PTK7: variants seen among roughly 807,000 people sequenced by gnomAD.
PTK7 encodes the protein protein tyrosine kinase 7 (inactive).
In PTK7, 39 loss-of-function variants were observed where a neutral mutation model predicts 116.6. That is an observed-to-expected ratio of 0.33 (90% CI 0.26 to 0.44). The LOEUF (loss-of-function observed/expected upper bound fraction) is 0.44, where lower values mean the gene tolerates loss of function less well. Ranked by LOEUF, PTK7 falls within the 20% of genes least tolerant of loss-of-function variation. The probability of loss-of-function intolerance (pLI) is 1.00; values close to 1 mark genes in which losing one functional copy is unlikely to be tolerated. For missense variants in PTK7, 1,169 were observed against 1,425.6 expected, an observed-to-expected ratio of 0.82 and a Z score of 2.90; for synonymous variants, 546 against 563.6, an observed-to-expected ratio of 0.97 and a Z score of 0.44.
chr6:43,155,583 A>C (rs949651626), intron 17 of PTK7, among the ~76,000 whole-genome samples: 1 of 151,556 alleles, frequency 6.6e-6, no homozygotes, highest in Non-Finnish European at 1.5e-5. Context: ...GGCGGAGTGG[A>C]GGTTGCAGTG....
intron 1 of PTK7, among the ~76,000 whole-genome samples, chr6:43,127,545 A>C (rs1769366769): frequency 6.6e-6 from 1 of 152,172 alleles, no homozygotes; most frequent in South Asian, 2.1e-4. Context: ...CAGGAAGGGG[A>C]ATGACTTCAA....
At chr6:43,137,497 TC>T (rs1770109058) in intron 7 of PTK7, among the ~76,000 whole-genome samples, 1 of 152,178 alleles carries the variant, frequency 6.6e-6, no homozygotes, top group Admixed American at 6.5e-5. Context: ...AGTCAGGTGT[TC>T]TCTTTAGCAC....
rs1435692384 is a variant in PTK7, at chr6:43,076,884, A to G, written c.79+317A>G. ...GAGAGTTGCTGGCTCTCGGGCCCAGATGGGGAGTTTCTTGTCGGGGGAGAA... is the reference window on the plus strand; with the variant it reads ...GAGAGTTGCTGGCTCTCGGGCCCAGGTGGGGAGTTTCTTGTCGGGGGAGAA... On this transcript the variant is annotated intron_variant, in intron 1 of 19. Transcript: ENST00000230419. The surrounding 1 kb of genome is among the most constrained non-coding windows in gnomAD (Gnocchi z 5.7). 2 of 1,502,228 alleles carry G rather than the reference A, an allele frequency of 1.3e-6. No homozygotes were observed. The highest frequency in any genetic ancestry group is 1.2e-5 in the South Asian group (1 of 81,974). The allele number at this position is 1,502,228 out of a possible 1,614,324, so 93.1% of individuals were successfully genotyped here.
chr6:43,158,746 G>C (rs1286471053), intron 17 of PTK7, 71 bp from the exon 18 acceptor site: 2 of 1,507,016 alleles, frequency 1.3e-6, no homozygotes, highest in Non-Finnish European at 1.8e-6. Context: ...ACGCTACCAA[G>C]GGTTGTGTTG....
chr6:43,123,107 C>G (rs1194998796), intron 1 of PTK7, among the ~76,000 whole-genome samples: 2 of 152,178 alleles, frequency 1.3e-5, no homozygotes, highest in African/African-American at 4.8e-5. Flanking sequence ...CAGGGTCTTT[C>G]TATCTCAGCC....
intron 1 of PTK7, among the ~76,000 whole-genome samples, chr6:43,082,495 G>T (rs1289326979): frequency 6.6e-6 from 1 of 152,004 alleles, no homozygotes; most frequent in East Asian, 1.9e-4. Flanking sequence ...ATTTTAACAA[G>T]ATGCTCAGGT....
chr6:43,145,034 T>A lies in PTK7; in HGVS notation c.2408-166T>A. ...TAGTCCCACCCTTTTATTTTGTTGC[T>A]GCAGACACTGAAGCCTAAGGAGGGA... On this transcript the variant is annotated intron_variant, in intron 15 of 19. Transcript: ENST00000230419. This position sits in a 1 kb window ranked among gnomAD's most constrained non-coding sequence, Gnocchi z 4.8. 1 of 540,582 alleles carries A rather than the reference T, an allele frequency of 1.8e-6. No individual in the cohort carries two copies. Among genetic ancestry groups the A allele is most frequent in the Non-Finnish European group, 3.2e-6 (1 of 311,238 alleles). The allele number at this position is 540,582 out of a possible 1,614,324, so 33.5% of individuals were successfully genotyped here.
Position 43,143,658 on chromosome 6 carries a change from G to T in PTK7, c.2251+38G>T. ...GGACGGGGAGGTGGTGCCCGTGTGC[G>T]GGAGCTGAGCGCCCTCCCGCGGCCA... is the stretch of plus-strand genomic sequence containing the variant. On this transcript the variant is annotated intron_variant, in intron 14 of 19. Transcript: ENST00000230419. The surrounding 1 kb of genome is among the most constrained non-coding windows in gnomAD (Gnocchi z 4.2). 6.3e-7 allele frequency: 1 copy of T among 1,588,948 alleles called. No individual in the cohort carries two copies. The highest frequency in any genetic ancestry group is 1.1e-5 in the South Asian group (1 of 89,564).
In PTK7 at chr6:43,145,103, T is replaced by C; in HGVS notation, c.2408-97T>C. On this transcript the variant is annotated intron_variant, in intron 15 of 19. Coordinates refer to ENST00000230419, the MANE Select transcript of PTK7 (RefSeq NM_002821.5). This position sits in a 1 kb window ranked among gnomAD's most constrained non-coding sequence, Gnocchi z 4.8. ...GGGTCTCGTGCCCAGCCCAGGTGGG[T>C]GGGTCCCCACTGTGGGAGAGGCTAG... 2.7e-6 allele frequency: 3 copies of C among 1,116,536 alleles called. No homozygotes were observed. Among genetic ancestry groups the C allele is most frequent in the Non-Finnish European group, 3.8e-6 (3 of 787,140 alleles). The allele number at this position is 1,116,536 out of a possible 1,614,324, so 69.2% of individuals were successfully genotyped here.
Position 43,145,257 on chromosome 6 carries a change from T to A in PTK7, c.2465T>A (p.Val822Glu). 1 of 1,612,252 alleles carries A rather than the reference T, an allele frequency of 6.2e-7. No individual in the cohort carries two copies. Among genetic ancestry groups the A allele is most frequent in the Non-Finnish European group, 8.5e-7 (1 of 1,179,026 alleles). Residue 822 changes from valine (V) to glutamate (E), a missense_variant, in exon 16 of 20, where the codon GTG (valine) becomes GAG (glutamate). Val to Glu is a moderately radical substitution (Grantham distance 121). Transcript: ENST00000230419. The surrounding 1 kb of genome is among the most constrained non-coding windows in gnomAD (Gnocchi z 4.8). ...AAGGCTCAGGGCTTGGAGGAGGGAG[T>A]GGCAGAGACCCTGGTACTTGTGAAG... ...LAKAQGLEEG[V>E]AETLVLVKSL...
Position 43,130,261 on chromosome 6 carries a change from C to T in PTK7, c.502C>T (p.Pro168Ser), listed in dbSNP as rs1177856567. ...CTACCAATGGTTCCGAGATGGGACCCCCCTTTCTGATGGTCAGAGCAACCA... is the reference window on the plus strand; with the variant it reads ...CTACCAATGGTTCCGAGATGGGACCTCCCTTTCTGATGGTCAGAGCAACCA... Reference protein sequence around the residue: ...PTYQWFRDGTPLSDGQSNHTV... With the variant: ...PTYQWFRDGTSLSDGQSNHTV... The change falls in exon 4 of 20, where the codon CCC becomes TCC. Residue 168 changes from proline to serine, a missense_variant. Physicochemically the swap from Pro to Ser is moderately conservative, Grantham distance 74. Coordinates refer to ENST00000230419, the MANE Select transcript of PTK7 (RefSeq NM_002821.5). 1.3e-6 allele frequency: 2 copies of T among 1,599,920 alleles called. No individual in the cohort carries two copies. The highest frequency in any genetic ancestry group is 8.5e-7 in the Non-Finnish European group (1 of 1,170,460).
Position 43,086,127 on chromosome 6 carries a change from A to G in PTK7, c.79+9560A>G, listed in dbSNP as rs528798220. 7.9e-5 allele frequency among the ~76,000 whole-genome samples: 12 copies of G among 152,274 alleles called. 1 individual carries two copies. In the South Asian group the frequency reaches 2.3e-3, roughly 29 times the overall value. On this transcript the variant is annotated intron_variant, in intron 1 of 19. Transcript: ENST00000230419. ...GGTGGGTTGGTGCTGGTTCAGGGCC[A>G]CTGTCTCTCCTGGCATGCTGAGGTT...
At chr6:43,079,522 G>A (rs1413758554) in intron 1 of PTK7, among the ~76,000 whole-genome samples, 1 of 151,858 alleles carries the variant, frequency 6.6e-6, no homozygotes. Flanking sequence ...AAAATCCAAG[G>A]GTGCTCAAGT....
intron 18 of PTK7, 41 bp downstream of exon 18, chr6:43,159,009 CCA>C: frequency 6.2e-7 from 1 of 1,608,612 alleles, no homozygotes; most frequent in Non-Finnish European, 8.5e-7. Flanking sequence ...CCATTTTTTC[CCA>C]GAGGGTGAGG....
chr6:43,159,277 C>G (rs2150485469), intron 18 of PTK7, among the ~76,000 whole-genome samples: 1 of 152,242 alleles, frequency 6.6e-6, no homozygotes, highest in South Asian at 2.1e-4. Context: ...CTGTAACTTC[C>G]TGAATTCAGT....
intron 1 of PTK7, among the ~76,000 whole-genome samples, chr6:43,118,492 C>T (rs551633755): frequency 2.6e-4 from 39 of 151,238 alleles, no homozygotes; most frequent in African/African-American, 9.2e-4. Context: ...GCTGAGATTG[C>T]ACCACTGCAC....
chr6:43,155,625 G>A (rs1056756762), intron 17 of PTK7, among the ~76,000 whole-genome samples: 25 of 149,958 alleles, frequency 1.7e-4, no homozygotes, highest in African/African-American at 6.2e-4. Context: ...CTCCAGCCTG[G>A]CAACAGAACA....
Position 43,132,036 on chromosome 6 carries a change from C to T in PTK7, c.833C>T (p.Ala278Val). The T allele has an allele frequency of 6.2e-7, 1 of 1,614,116 alleles. No individual in the cohort carries two copies. The highest frequency in any genetic ancestry group is 8.5e-7 in the Non-Finnish European group (1 of 1,180,030). ...TGCAGCCCCCCACACCTCCGCAGAG[C>T]CACAGTGTTTGCCAACGGGTCTCTG... ...NRSRPPHLRR[A>V]TVFANGSLLL... Residue 278 changes from alanine (A) to valine (V), a missense_variant, in exon 6 of 20, where the codon GCC becomes GTC. Ala to Val is a moderately conservative substitution (Grantham distance 64). Coordinates refer to ENST00000230419, the MANE Select transcript of PTK7 (RefSeq NM_002821.5).
At chr6:43,090,559 G>A (rs1561935285) in intron 1 of PTK7, among the ~76,000 whole-genome samples, 1 of 152,178 alleles carries the variant, frequency 6.6e-6, no homozygotes, top group East Asian at 1.9e-4. Flanking sequence ...TAGGTGGGTT[G>A]TACAAAGACC....
Sources: gnomAD v4.1 joint callset for allele counts (sites outside exome capture counted in the v4.1 genomes callset) on GRCh38, gnomAD v4.1.1 for gene constraint, Gnocchi (gnomAD v3.1) non-coding constraint, MANE v1.5 for transcripts, NCBI Gene and HGNC (gene_info 2026-07-23, HGNC 2026-07-21) for gene names.